FAT3: variants seen among roughly 807,000 people sequenced by gnomAD.
The protein encoded by FAT3 is FAT atypical cadherin 3.
Under a neutral mutation model 310.2 loss-of-function variants are expected in FAT3, and 95 were observed. That is an observed-to-expected ratio of 0.31 (90% CI 0.26 to 0.36). The LOEUF (loss-of-function observed/expected upper bound fraction) is 0.36, where lower values mean the gene tolerates loss of function less well. Among genes scored for constraint, FAT3 ranks in the 10% least tolerant of loss-of-function variants. The pLI, the probability that FAT3 is intolerant of heterozygous loss-of-function variation, is 1.00. For missense variants in FAT3, 5,408 were observed against 5,715.6 expected, an observed-to-expected ratio of 0.95 and a Z score of 1.74; for synonymous variants, 2,314 against 2,192.9, an observed-to-expected ratio of 1.06 and a Z score of -1.54.
At chr11:92,366,180 C>A (rs1363341912) in intron 2 of FAT3, among the ~76,000 whole-genome samples, 1 of 152,136 alleles carries the variant, frequency 6.6e-6, no homozygotes, top group Non-Finnish European at 1.5e-5. Context: ...GGTTCCTCCC[C>A]ACAAGTCCTT....
intron 1 of FAT3, among the ~76,000 whole-genome samples, chr11:92,267,719 A>T (rs1378987195): frequency 1.3e-5 from 2 of 152,182 alleles, no homozygotes; most frequent in African/African-American, 4.8e-5. Context: ...AAATAAAAAG[A>T]AATCTTTAAT....
chr11:92,558,079 C>A (rs1021348919), intron 3 of FAT3, among the ~76,000 whole-genome samples: 3 of 152,116 alleles, frequency 2.0e-5, no homozygotes, highest in Non-Finnish European at 4.4e-5. Context: ...ATGAATCAGC[C>A]TATAAAGCGC....
In FAT3 at chr11:92,355,017, G is replaced by C. The variant is rs1253378083; in HGVS notation, c.2905G>C (p.Gly969Arg). The change falls in exon 2 of 28, where the codon GGT becomes CGT. Residue 969 changes from glycine (G) to arginine (R), a missense_variant. Around this residue, in one of 5 missense-constraint regions of FAT3, gnomAD observed 4,588 missense variants for 4,809.8 expected, o/e 0.95. Coordinates refer to ENST00000525166, the MANE Select transcript of FAT3 (RefSeq NM_001367949.2). Reference protein sequence around the residue: ...ETHDPDLGLGGQVRYSLVNDY... With the variant: ...ETHDPDLGLGRQVRYSLVNDY... The stretch of plus-strand genomic sequence containing the variant: ...CCATGATCCAGATCTTGGACTGGGG[G>C]GTCAAGTGCGCTATTCTTTGGTCAA... 1.2e-6 allele frequency: 2 copies of C among 1,613,612 alleles called. No individual in the cohort carries two copies. The highest frequency in any genetic ancestry group is 4.5e-5 in the East Asian group (2 of 44,876).
intron 4 of FAT3, among the ~76,000 whole-genome samples, chr11:92,739,852 C>A (rs1945454681): frequency 6.6e-6 from 1 of 152,170 alleles, no homozygotes; most frequent in African/African-American, 2.4e-5. Flanking sequence ...TGGCTCCCCA[C>A]TAAATAAAGC....
chr11:92,567,025 A>G (rs1025491134), intron 3 of FAT3, among the ~76,000 whole-genome samples: 3 of 152,200 alleles, frequency 2.0e-5, no homozygotes, highest in Admixed American at 6.5e-5. Flanking sequence ...ACAAAAGCCA[A>G]AATTGACAAA....
intron 3 of FAT3, among the ~76,000 whole-genome samples, chr11:92,548,105 C>T (rs2508833): frequency 1.4e-4 from 22 of 151,960 alleles, no homozygotes; most frequent in Admixed American, 6.6e-4. Flanking sequence ...ATACGCAGAA[C>T]GATCCTGTCT....
At chr11:92,467,512 C>G (rs1951795765) in intron 2 of FAT3, among the ~76,000 whole-genome samples, 1 of 152,156 alleles carries the variant, frequency 6.6e-6, no homozygotes, top group South Asian at 2.1e-4. Flanking sequence ...GATTAGCCCA[C>G]TTGTCAGTAC....
intron 1 of FAT3, among the ~76,000 whole-genome samples, chr11:92,319,620 A>G (rs907870851): frequency 3.3e-5 from 5 of 152,210 alleles, no homozygotes; most frequent in Non-Finnish European, 7.3e-5. Flanking sequence ...GGTGAGACAT[A>G]GTTCCTACCC....
intron 15 of FAT3, 60 bp downstream of exon 15, chr11:92,835,144 T>C: frequency 4.8e-6 from 7 of 1,444,650 alleles, no homozygotes; most frequent in Non-Finnish European, 6.6e-6. Context: ...CACAATAAAG[T>C]GAAGAAGAAA....
At chr11:92,646,213 A>G (rs1246871409) in intron 3 of FAT3, among the ~76,000 whole-genome samples, 1 of 152,190 alleles carries the variant, frequency 6.6e-6, no homozygotes, top group Non-Finnish European at 1.5e-5. Flanking sequence ...GGACAGCTTC[A>G]GCATAGGCCT....
rs16917328 is a variant in FAT3, at chr11:92,278,696, T to C, written c.-18+53522T>C. On this transcript the variant is annotated intron_variant, in intron 1 of 27. Transcript: ENST00000525166. ...AATAAATAGAAGAATAAAAACAAGT[T>C]GTGAGTCAATTCTTTAGTTCTTTAG... 9.3e-3 allele frequency among the ~76,000 whole-genome samples: 1,413 copies of C among 152,264 alleles called. 19 individuals carry two copies. The highest frequency in any genetic ancestry group is 0.031 in the African/African-American group (1,272 of 41,558).
chr11:92,801,937 T>C (rs747469457), intron 10 of FAT3, 28 bp downstream of exon 10: 14 of 1,585,006 alleles, frequency 8.8e-6, no homozygotes, highest in Non-Finnish European at 1.1e-5. Context: ...GTTTTCATTA[T>C]GTGCACTGCT....
intron 3 of FAT3, among the ~76,000 whole-genome samples, chr11:92,533,007 G>C (rs1374729968): frequency 3.9e-5 from 6 of 152,060 alleles, no homozygotes; most frequent in Non-Finnish European, 1.5e-5. Flanking sequence ...CAGATGCATA[G>C]GGACTTAGAC....
intron 3 of FAT3, among the ~76,000 whole-genome samples, chr11:92,679,282 T>C (rs1275770901): frequency 6.6e-6 from 1 of 151,810 alleles, no homozygotes; most frequent in East Asian, 1.9e-4. Context: ...TTTTTTGGTT[T>C]ATTTATTTAT....
chr11:92,774,888 C>A (rs1448936708), intron 7 of FAT3, among the ~76,000 whole-genome samples: 1 of 152,174 alleles, frequency 6.6e-6, no homozygotes, highest in Admixed American at 6.5e-5. Flanking sequence ...AAAAGAAAAT[C>A]TTTGGGCTTC....
intron 2 of FAT3, among the ~76,000 whole-genome samples, chr11:92,401,347 C>A (rs114240267): frequency 7.2e-5 from 11 of 152,216 alleles, no homozygotes; most frequent in Admixed American, 7.2e-4. Flanking sequence ...AGGGGAGTAG[C>A]CTTCGTGAAA....
At position 92,354,640 on chromosome 11, in the gene FAT3, G is replaced by T. The variant is rs747229271; in HGVS notation, c.2528G>T (p.Ser843Ile). 2 of 1,613,856 alleles carry T rather than the reference G, an allele frequency of 1.2e-6. No individual in the cohort carries two copies. The highest frequency in any genetic ancestry group is 1.3e-5 in the African/African-American group (1 of 75,044). Residue 843 changes from serine (S) to isoleucine (I), a missense_variant, in exon 2 of 28, where the codon AGT (serine) becomes ATT (isoleucine). Ser to Ile is a moderately radical substitution (Grantham distance 142). Coordinates refer to ENST00000525166, the MANE Select transcript of FAT3 (RefSeq NM_001367949.2). ...QDSYSVNILESSGIGTEIIQV... is the reference protein window; with the variant it reads ...QDSYSVNILEISGIGTEIIQV... Reference sequence around the variant, plus strand: ...AGTTACTCAGTTAACATTCTTGAAAGTTCAGGCATTGGTACTGAAATCATT... The same window carrying T: ...AGTTACTCAGTTAACATTCTTGAAATTTCAGGCATTGGTACTGAAATCATT...
chr11:92,706,280 A>G (rs1178832253), intron 4 of FAT3, among the ~76,000 whole-genome samples: 1 of 152,120 alleles, frequency 6.6e-6, no homozygotes, highest in Non-Finnish European at 1.5e-5. Context: ...GTAAATATTG[A>G]ATCTGATGCA....
chr11:92,857,793 C>T (rs1048442497), intron 20 of FAT3, among the ~76,000 whole-genome samples: 1 of 152,148 alleles, frequency 6.6e-6, no homozygotes, highest in Non-Finnish European at 1.5e-5. Flanking sequence ...TCATCCCCAT[C>T]TGGTGAACCA....
Sources: allele counts gnomAD v4.1 joint callset (sites outside exome capture counted in the v4.1 genomes callset), GRCh38; gene constraint gnomAD v4.1.1; regional missense constraint gnomAD v4.1.1; transcripts MANE v1.5; gene names NCBI Gene and HGNC (gene_info 2026-07-23, HGNC 2026-07-21).